The following GULP1 variants were observed in gnomAD, a reference collection of about 807,000 sequenced individuals.
GULP1 encodes GULP PTB domain containing engulfment adaptor 1, also known as PTB domain-containing engulfment adapter protein 1.
Under a neutral mutation model 40.9 loss-of-function variants are expected in GULP1, and 19 were observed. The observed-to-expected ratio is 0.46, with a 90% CI of 0.32 to 0.68. The LOEUF is 0.68. Among genes scored for constraint, GULP1 ranks in the 30% least tolerant of loss-of-function variants. The pLI is 0.03. For synonymous variants in GULP1, 119 were observed against 117.6 expected, an observed-to-expected ratio of 1.01 and a Z score of -0.08; for missense variants, 312 against 362.2, an observed-to-expected ratio of 0.86 and a Z score of 1.12.
intron 1 of GULP1, among the ~76,000 whole-genome samples, chr2:188,303,828 A>T (rs6712056): frequency 0.48 from 73,139 of 151,986 alleles, 18,239 homozygotes; most frequent in East Asian, 0.72. Flanking sequence ...GCTTTATGAG[A>T]TCATGACCTT....
At chr2:188,518,145 A>G (rs2065374404) in intron 4 of GULP1, among the ~76,000 whole-genome samples, 1 of 152,162 alleles carries the variant, frequency 6.6e-6, no homozygotes, top group African/African-American at 2.4e-5. Context: ...GTAAGCATTT[A>G]AGCCTTTAAC....
At chr2:188,490,245 A>C (rs937174573) in intron 4 of GULP1, among the ~76,000 whole-genome samples, 5 of 152,236 alleles carry the variant, frequency 3.3e-5, no homozygotes, top group Admixed American at 3.3e-4. Flanking sequence ...GATTTGTTTA[A>C]GCTTACACAG....
chr2:188,513,658 G>T (rs960208992), intron 4 of GULP1, among the ~76,000 whole-genome samples: 1 of 151,748 alleles, frequency 6.6e-6, no homozygotes, highest in African/African-American at 2.4e-5. Flanking sequence ...TAAAATTAAC[G>T]TATTTATTCA....
At chr2:188,549,959 A>C (rs1022738388) in intron 7 of GULP1, among the ~76,000 whole-genome samples, 3 of 151,768 alleles carry the variant, frequency 2.0e-5, no homozygotes, top group African/African-American at 7.2e-5. Context: ...AGGCTAGAAG[A>C]GGATGTGCTT....
intron 10 of GULP1, 122 bp downstream of exon 10, chr2:188,584,525 T>C: frequency 2.3e-6 from 1 of 429,588 alleles, no homozygotes; most frequent in Non-Finnish European, 4.1e-6. Flanking sequence ...ATTATTAAAG[T>C]ATTATTTTTA....
intron 1 of GULP1, among the ~76,000 whole-genome samples, chr2:188,355,102 C>T (rs1007432332): frequency 6.6e-6 from 1 of 151,860 alleles, no homozygotes; most frequent in African/African-American, 2.4e-5. Flanking sequence ...AGAAAGATTT[C>T]AAAGAAACAA....
At chr2:188,416,221 C>T (rs2054560045) in intron 2 of GULP1, among the ~76,000 whole-genome samples, 1 of 152,004 alleles carries the variant, frequency 6.6e-6, no homozygotes, top group African/African-American at 2.4e-5. Context: ...TCCCCTGTCC[C>T]ACACTACTTT....
chr2:188,549,225 G>A (rs1692809094), intron 7 of GULP1, among the ~76,000 whole-genome samples: 1 of 151,730 alleles, frequency 6.6e-6, no homozygotes, highest in South Asian at 2.1e-4. Flanking sequence ...TATCAAATTA[G>A]GGATGAAAAG....
intron 4 of GULP1, among the ~76,000 whole-genome samples, chr2:188,495,262 A>G (rs527574717): frequency 3.3e-5 from 5 of 152,138 alleles, no homozygotes; most frequent in African/African-American, 1.2e-4. Flanking sequence ...ATGCAACACA[A>G]TTCTATACCC....
chr2:188,324,966 GTA>G (rs1411851238), intron 1 of GULP1, among the ~76,000 whole-genome samples: 1 of 151,828 alleles, frequency 6.6e-6, no homozygotes, highest in Non-Finnish European at 1.5e-5. Context: ...ACCTGGAATT[GTA>G]TACACAAGTA....
chr2:188,431,349 G>A (rs1421001404), intron 2 of GULP1, among the ~76,000 whole-genome samples: 5 of 152,108 alleles, frequency 3.3e-5, no homozygotes, highest in African/African-American at 1.2e-4. Context: ...GAATGGGTGT[G>A]TGAAAGAAAA....
At chr2:188,351,476 A>G (rs886454811) in intron 1 of GULP1, among the ~76,000 whole-genome samples, 2 of 152,136 alleles carry the variant, frequency 1.3e-5, no homozygotes, top group Non-Finnish European at 2.9e-5. Flanking sequence ...CCAAATTTCA[A>G]GTCGCCTACC....
rs760140384 is a variant in GULP1, at chr2:188,553,659, T to A, written c.399+12341T>A. ...TCCTTATCTGGTTTTGTTATCAAGG[T>A]GATCTTGGCCTTATAGAATGAGTTA... On this transcript the variant is annotated intron_variant, in intron 7 of 11. Transcript: ENST00000409830. Among the ~76,000 whole-genome samples, 3 of 152,042 alleles carry A rather than the reference T, an allele frequency of 2.0e-5. No homozygotes were observed. The South Asian group carries it at 6.2e-4, about 32-fold the overall frequency.
intron 2 of GULP1, among the ~76,000 whole-genome samples, chr2:188,415,579 G>GA (rs1183041609): frequency 1.3e-5 from 2 of 152,118 alleles, no homozygotes; most frequent in East Asian, 3.9e-4. Flanking sequence ...GAGCAAAGCT[G>GA]AAAAAAGGTA....
chr2:188,513,739 C>T (rs777708233), intron 4 of GULP1, among the ~76,000 whole-genome samples: 1 of 151,976 alleles, frequency 6.6e-6, no homozygotes, highest in Admixed American at 6.6e-5. Context: ...CACACTTGTA[C>T]TCATGTAAAC....
chr2:188,560,050 G>A (rs1359251926), intron 7 of GULP1, among the ~76,000 whole-genome samples: 3 of 152,118 alleles, frequency 2.0e-5, no homozygotes, highest in Admixed American at 6.6e-5. Context: ...CCAGTCTTGG[G>A]TATGTCTTTA....
intron 2 of GULP1, among the ~76,000 whole-genome samples, chr2:188,419,905 CT>C (rs1427631451): frequency 6.6e-6 from 1 of 152,052 alleles, no homozygotes; most frequent in Non-Finnish European, 1.5e-5. Flanking sequence ...TACAATGTCA[CT>C]TTTTTTGCAT....
At chr2:188,456,526 T>TC (rs1192805457) in intron 2 of GULP1, among the ~76,000 whole-genome samples, 1 of 152,138 alleles carries the variant, frequency 6.6e-6, no homozygotes, top group Non-Finnish European at 1.5e-5. Context: ...AGTCAAGAAT[T>TC]CAAGTTTGGG....
chr2:188,331,084 C>T (rs10211425), intron 1 of GULP1, among the ~76,000 whole-genome samples: 3,421 of 152,272 alleles, frequency 0.022, 138 homozygotes, highest in African/African-American at 0.078. Context: ...AAACATATCC[C>T]GCTAATTTCA....
Sources: gnomAD v4.1 joint callset for allele counts (sites outside exome capture counted in the v4.1 genomes callset) on GRCh38, gnomAD v4.1.1 for gene constraint, MANE v1.5 for transcripts, NCBI Gene and HGNC (gene_info 2026-07-23, HGNC 2026-07-21) for gene names.